Variants in SPDYE21 observed in about 807,000 individuals in gnomAD.
SPDYE21 encodes speedy/RINGO cell cycle regulator family member E21, also known as speedy protein E21.
SPDYE21 carries 14 observed loss-of-function variants against 36.2 expected under a neutral mutation model. The observed-to-expected ratio is 0.39, with a 90% confidence interval of 0.26 to 0.61. SPDYE21 has a LOEUF of 0.61. Among genes scored for constraint, SPDYE21 ranks in the 20% least tolerant of loss-of-function variants. SPDYE21 has a pLI of 0.55. For missense variants in SPDYE21, 233 were observed against 424.6 expected (o/e 0.55, Z 3.97); for synonymous variants, 58 against 155.1 (o/e 0.37, Z 4.65).
chr7:67,286,087 C>T lies in SPDYE21; in HGVS notation c.799C>T (p.Gln267Ter), dbSNP rs777435728. The change falls in exon 7 of 9, where the codon CAA becomes TAA. Residue 267 changes from glutamine to a stop codon, truncating the protein, a stop_gained. Transcript: ENST00000424157. LOFTEE classifies it high-confidence loss of function. ...DMEEDDEDSK[Q>*]NIFHFLYGKT... ...GGAGGAGGACGACGAGGACTCCAAA[C>T]AAAACATCTTCCACTTCCTGTATGG... The T allele has an allele frequency of 7.6e-5, 122 of 1,613,758 alleles. No individual in the cohort carries two copies. The highest frequency in any genetic ancestry group is 1.0e-4 in the Non-Finnish European group (119 of 1,180,052).
chr7:67,278,166 G>A (rs868206175), intron 1 of SPDYE21, among the ~76,000 whole-genome samples, 126 bp from the exon 2 acceptor site: 82 of 78,210 alleles, frequency 1.0e-3, no homozygotes, highest in East Asian at 1.8e-3. Flanking sequence ...TCTCACTCTT[G>A]TACATGATAA....
At chr7:67,287,246 C>T (rs1344249469) in intron 8 of SPDYE21, among the ~76,000 whole-genome samples, 2 of 152,218 alleles carry the variant, frequency 1.3e-5, no homozygotes, top group Non-Finnish European at 2.9e-5. Context: ...GGGTGCCCTA[C>T]TCCCTGGGCA....
At position 67,286,160 on chromosome 7, in the gene SPDYE21, T is replaced by C. The variant is rs1802728517; in HGVS notation, c.872T>C (p.Leu291Ser). ...TTGCTCCGTAAGCGTTGGTTCCAGT[T>C]AGGCCGTTCCATGAACCCGAGGGCC... is the stretch of plus-strand genomic sequence containing the variant. ...IPLLRKRWFQ[L>S]GRSMNPRARK... The change falls in exon 7 of 9, where the codon TTA becomes TCA. Residue 291 changes from leucine to serine, a missense_variant. By Grantham distance (145) the Leu-to-Ser change is moderately radical (BLOSUM62 -2). This residue lies in a region of SPDYE21 where 139 missense variants were observed against 175.8 expected (regional missense o/e 0.79). Coordinates refer to ENST00000424157, the MANE Select transcript of SPDYE21 (RefSeq NM_001382715.2). 4 of 1,610,762 alleles carry C rather than the reference T, an allele frequency of 2.5e-6. No homozygotes were observed. The highest frequency in any genetic ancestry group is 3.4e-6 in the Non-Finnish European group (4 of 1,179,436).
chr7:67,279,709 C>T (rs941013557), intron 2 of SPDYE21, 109 bp from the exon 3 acceptor site: 73 of 1,592,710 alleles, frequency 4.6e-5, no homozygotes, highest in Non-Finnish European at 5.9e-5. Context: ...TTAGAGAAGC[C>T]AGCAGTCTGC....
At chr7:67,280,691 CAAAAAAAAAAAA>C (rs1180256690) in intron 3 of SPDYE21, among the ~76,000 whole-genome samples, 4 of 15,038 alleles carry the variant, frequency 2.7e-4, no homozygotes, top group Admixed American at 1.7e-3. Flanking sequence ...GAAGCTGTCT[CAAAAAAAAAAAA>C]AAAAAAAAAA....
Position 67,281,079 on chromosome 7 carries a change from CG to C in SPDYE21, c.380-294del, listed in dbSNP as rs1563094676. Among the ~76,000 whole-genome samples, 121 of 99,822 alleles carry C rather than the reference CG, an allele frequency of 1.2e-3. 5 individuals carry two copies. Among genetic ancestry groups the C allele is most frequent in the Middle Eastern group, 0.012 (2 of 172 alleles). 65.5% of individuals were successfully genotyped at this position (99,822 alleles called of 152,430 possible). A position where few individuals can be genotyped will look rare whatever the true frequency, so the allele number is the denominator to read the frequency against. ...CCTAGGCCACAAAGCAAGACTGTTT[CG>C]CAACAACAACAACAACAACAAAAAA... On this transcript the variant is annotated intron_variant, in intron 3 of 8. Transcript: ENST00000424157.
At chr7:67,284,782 A>G (rs1287292738) in intron 6 of SPDYE21, among the ~76,000 whole-genome samples, 1 of 151,864 alleles carries the variant, frequency 6.6e-6, no homozygotes, top group Non-Finnish European at 1.5e-5. Flanking sequence ...TGCAGCCTGA[A>G]CATCTTTCCA....
rs2116509182 is a variant in SPDYE21, at chr7:67,282,676, C to G, written c.652C>G (p.Leu218Val). 1 of 1,540,084 alleles carries G rather than the reference C, an allele frequency of 6.5e-7. No homozygotes were observed. The highest frequency in any genetic ancestry group is 8.7e-7 in the Non-Finnish European group (1 of 1,149,068). ...AAGATTCCTGGCCTGGGACAAAGAT[C>G]TGAGGGTGTCGGACAAGGTAAGGTT... is the stretch of plus-strand genomic sequence containing the variant. ...IKRFLAWDKD[L>V]RVSDKYLLAM... is the part of the protein sequence containing the mutation. Residue 218 changes from leucine to valine, a missense_variant, in exon 5 of 9, where the codon CTG becomes GTG. Around this residue, in one of 4 missense-constraint regions of SPDYE21, gnomAD observed 24 missense variants for 59.2 expected, o/e 0.41. Transcript: ENST00000424157.
intron 6 of SPDYE21, among the ~76,000 whole-genome samples, chr7:67,284,959 C>T (rs1177807555): frequency 6.6e-6 from 1 of 151,112 alleles, no homozygotes; most frequent in African/African-American, 2.4e-5. Context: ...CTTCCAAATG[C>T]CCTCCACTCG....
At chr7:67,285,679 T>C (rs3962089) in intron 6 of SPDYE21, among the ~76,000 whole-genome samples, 235 of 135,130 alleles carry the variant, frequency 1.7e-3, no homozygotes, top group Admixed American at 2.3e-3. Flanking sequence ...CATGAGCCAC[T>C]GCGTCTGGCA....
At chr7:67,282,123 A>T (rs1261833224) in intron 4 of SPDYE21, among the ~76,000 whole-genome samples, 1 of 152,270 alleles carries the variant, frequency 6.6e-6, no homozygotes, top group South Asian at 2.1e-4. Flanking sequence ...ACAGAGCAAG[A>T]CTCTGTCTCA....
chr7:67,280,297 T>G (rs1437909817), intron 3 of SPDYE21, among the ~76,000 whole-genome samples: 3 of 151,992 alleles, frequency 2.0e-5, no homozygotes, highest in African/African-American at 7.2e-5. Flanking sequence ...TCCTAGCATG[T>G]TGGGAGGCTG....
At chr7:67,283,099 C>A (rs929293625) in intron 5 of SPDYE21, among the ~76,000 whole-genome samples, 2 of 151,616 alleles carry the variant, frequency 1.3e-5, no homozygotes, top group Non-Finnish European at 2.9e-5. Context: ...AGCCACTGTG[C>A]CCGACCAGCT....
chr7:67,283,429 C>T (rs920826612), intron 5 of SPDYE21, among the ~76,000 whole-genome samples: 10 of 152,180 alleles, frequency 6.6e-5, no homozygotes, highest in East Asian at 3.9e-4. Flanking sequence ...CAGCCACTCC[C>T]GGCTATTCTT....
chr7:67,280,615 C>G (rs1802614113), intron 3 of SPDYE21, among the ~76,000 whole-genome samples: 1 of 134,458 alleles, frequency 7.4e-6, no homozygotes, highest in African/African-American at 2.8e-5. Flanking sequence ...TCGCTTGAAC[C>G]CAGGTGGAAG....
chr7:67,285,959 C>T (rs1802723128), intron 6 of SPDYE21, 85 bp from the exon 7 acceptor site: 1 of 1,608,376 alleles, frequency 6.2e-7, no homozygotes, highest in African/African-American at 1.3e-5. Context: ...GGGACGGTCC[C>T]TTACCTTCCT....
chr7:67,280,131 C>G, intron 3 of SPDYE21, 95 bp downstream of exon 3: 1 of 1,500,298 alleles, frequency 6.7e-7, no homozygotes, highest in South Asian at 1.3e-5. Context: ...AAGATACGCC[C>G]CCAGTGGGTG....
intron 6 of SPDYE21, among the ~76,000 whole-genome samples, chr7:67,284,410 C>CT: frequency 7.3e-6 from 1 of 137,626 alleles, no homozygotes; most frequent in Non-Finnish European, 1.5e-5. Flanking sequence ...GGTCGAGCCA[C>CT]TGCACTCCAG....
At chr7:67,282,910 G>A (rs1368457983) in intron 5 of SPDYE21, among the ~76,000 whole-genome samples, 2 of 134,518 alleles carry the variant, frequency 1.5e-5, no homozygotes, top group Admixed American at 7.7e-5. Context: ...GGGTTCAAGC[G>A]ATTCTCCTGC....
Sources: allele counts gnomAD v4.1 joint callset (sites outside exome capture counted in the v4.1 genomes callset), GRCh38; gene constraint gnomAD v4.1.1; regional missense constraint gnomAD v4.1.1; transcripts MANE v1.5; gene names NCBI Gene and HGNC (gene_info 2026-07-23, HGNC 2026-07-21).